SNX18: variants seen among roughly 807,000 people sequenced by gnomAD.
SNX18 encodes sorting nexin 18.
Under a neutral mutation model 48.7 loss-of-function variants are expected in SNX18, and 35 were observed. The ratio of observed to expected loss-of-function variants is 0.72; its 90% CI spans 0.55 to 0.95. The LOEUF (loss-of-function observed/expected upper bound fraction) is 0.95. Among genes scored for constraint, SNX18 ranks in the 40% least tolerant of loss-of-function variants. The pLI, the probability that SNX18 is intolerant of heterozygous loss-of-function variation, is 0.00. For synonymous variants in SNX18, 492 were observed against 384.7 expected (o/e 1.28, Z -3.26); for missense variants, 824 against 871.0 (o/e 0.95, Z 0.68).
chr5:54,621,279 G>A, the SNX18 span, among the ~76,000 whole-genome samples: 15 of 152,188 alleles, frequency 9.9e-5, no homozygotes, highest in East Asian at 1.4e-3. Flanking sequence ...GTAACTTTGC[G>A]TTCTTGCCAG....
the SNX18 span, among the ~76,000 whole-genome samples, chr5:54,646,943 C>T: frequency 6.6e-6 from 1 of 152,148 alleles, no homozygotes; most frequent in Non-Finnish European, 1.5e-5. Context: ...CTGGGACTGG[C>T]GGCTCGAAGC....
At chr5:54,535,572 C>T (rs1045948151) in intron 1 of SNX18, among the ~76,000 whole-genome samples, 5 of 152,174 alleles carry the variant, frequency 3.3e-5, no homozygotes, top group African/African-American at 1.2e-4. Flanking sequence ...CACTAATCCA[C>T]TCAATCTGTG....
chr5:54,572,776 T>A, the SNX18 span, among the ~76,000 whole-genome samples: 127 of 6,950 alleles, frequency 0.018, no homozygotes, highest in Middle Eastern at 0.071. Context: ...ATATATATAT[T>A]TTTTTTTTTT....
chr5:54,622,714 C>T, the SNX18 span, among the ~76,000 whole-genome samples: 1 of 151,224 alleles, frequency 6.6e-6, no homozygotes, highest in Non-Finnish European at 1.5e-5. Context: ...GGTGCTTATT[C>T]TGTGCCAGGT....
chr5:54,543,151 TTTAA>T lies in SNX18; in HGVS notation c.1622-21_1622-18del, dbSNP rs762919909. 3.0e-5 allele frequency: 48 copies of T among 1,598,098 alleles called. 1 individual carries two copies. In the Middle Eastern group the frequency reaches 3.2e-3, roughly 105 times the overall value. ...CTTGGGATATGTGGATATATAGGTT[TTTAA>T]TTAATTGTTATTTTTAACTACAGGA... On this transcript the variant is annotated intron_variant, in intron 1 of 1. Coordinates refer to ENST00000381410, the MANE Select transcript of SNX18 (RefSeq NM_001102575.2).
chr5:54,519,885 GA>G (rs1249275713), intron 1 of SNX18: 1 of 1,484,278 alleles, frequency 6.7e-7, no homozygotes, highest in Non-Finnish European at 9.1e-7. Context: ...GTAATCTTGA[GA>G]CGAGGGTAGA....
the SNX18 span, among the ~76,000 whole-genome samples, chr5:54,559,193 T>A: frequency 6.6e-6 from 1 of 152,160 alleles, no homozygotes; most frequent in Non-Finnish European, 1.5e-5. Flanking sequence ...AAACTATCAA[T>A]GACATTCTTC....
chr5:54,639,657 C>A, the SNX18 span, among the ~76,000 whole-genome samples: 2 of 152,116 alleles, frequency 1.3e-5, no homozygotes, highest in African/African-American at 4.8e-5. Context: ...AAGTAAGTTA[C>A]GCACCCAAAA....
chr5:54,577,008 C>G, the SNX18 span, among the ~76,000 whole-genome samples: 1 of 152,074 alleles, frequency 6.6e-6, no homozygotes, highest in Non-Finnish European at 1.5e-5. Flanking sequence ...ACCATGTTGG[C>G]CAGGCTGGTC....
At chr5:54,573,572 A>G in the SNX18 span, among the ~76,000 whole-genome samples, 1 of 152,210 alleles carries the variant, frequency 6.6e-6, no homozygotes, top group Non-Finnish European at 1.5e-5. Context: ...CCATGATTTG[A>G]GAAATCAGAA....
intron 1 of SNX18, among the ~76,000 whole-genome samples, chr5:54,525,401 C>G (rs72765722): frequency 4.6e-5 from 7 of 151,688 alleles, no homozygotes; most frequent in Admixed American, 2.6e-4. Context: ...AAATTAAGGG[C>G]GCTCTCCTTT....
downstream of SNX18, among the ~76,000 whole-genome samples, chr5:54,548,148 A>G (rs1013817619): frequency 6.6e-6 from 1 of 152,150 alleles, no homozygotes; most frequent in Non-Finnish European, 1.5e-5. Context: ...CAATCCTAAC[A>G]TCCCTGTGTC....
chr5:54,528,612 C>T (rs549241259), intron 1 of SNX18, among the ~76,000 whole-genome samples: 12 of 152,234 alleles, frequency 7.9e-5, no homozygotes, highest in Admixed American at 6.5e-4. Context: ...GCAAGGTACC[C>T]GGTGCTCAGG....
the SNX18 span, among the ~76,000 whole-genome samples, chr5:54,617,838 C>T: frequency 3.9e-5 from 6 of 152,080 alleles, no homozygotes; most frequent in African/African-American, 1.4e-4. Context: ...GCTGGGATTA[C>T]AGGAATTAGC....
the SNX18 span, among the ~76,000 whole-genome samples, chr5:54,575,323 T>C: frequency 6.6e-6 from 1 of 151,840 alleles, no homozygotes; most frequent in East Asian, 1.9e-4. Flanking sequence ...AAGAATTATT[T>C]TGAGCTGAAG....
chr5:54,625,521 AAGG>A, the SNX18 span, among the ~76,000 whole-genome samples: 1 of 152,296 alleles, frequency 6.6e-6, no homozygotes, highest in Admixed American at 6.5e-5. Context: ...CCTCAGAGTG[AAGG>A]CTCTGAGGGA....
chr5:54,645,705 T>C, the SNX18 span: 1 of 152,240 alleles, frequency 6.6e-6, no homozygotes, highest in African/African-American at 2.4e-5. Context: ...ATTTTACATA[T>C]ACAGGAAATT....
chr5:54,535,170 G>C (rs141065899), intron 1 of SNX18, among the ~76,000 whole-genome samples: 2 of 152,218 alleles, frequency 1.3e-5, no homozygotes, highest in Non-Finnish European at 2.9e-5. Flanking sequence ...TATAAACAAA[G>C]ACATAGTTAT....
chr5:54,611,066 G>T, the SNX18 span, among the ~76,000 whole-genome samples: 3 of 152,128 alleles, frequency 2.0e-5, no homozygotes, highest in African/African-American at 7.2e-5. Flanking sequence ...TTCAACCTCT[G>T]CTTTTTAAAA....
Sources: allele counts gnomAD v4.1 joint callset (sites outside exome capture counted in the v4.1 genomes callset), GRCh38; gene constraint gnomAD v4.1.1; transcripts MANE v1.5; gene names NCBI Gene and HGNC (gene_info 2026-07-23, HGNC 2026-07-21).